Variants in SEC23IP observed in about 807,000 individuals in gnomAD.
The protein encoded by SEC23IP is SEC23 interacting protein, also known as SEC23-interacting protein.
Under a neutral mutation model 113.4 loss-of-function variants are expected in SEC23IP, and 70 were observed. The ratio of observed to expected loss-of-function variants is 0.62; its 90% CI spans 0.51 to 0.75. SEC23IP has a LOEUF of 0.75. SEC23IP is among the 30% of genes least tolerant of loss of function. The pLI is 0.00. For synonymous variants in SEC23IP, 398 were observed against 421.0 expected (o/e 0.95, Z 0.67); for missense variants, 1,160 against 1,204.9 (o/e 0.96, Z 0.55).
chr10:119,894,838 T>G (rs1234201469), intron 1 of SEC23IP, among the ~76,000 whole-genome samples: 1 of 152,172 alleles, frequency 6.6e-6, no homozygotes, highest in Admixed American at 6.5e-5. Flanking sequence ...GTTTTCATTG[T>G]TAAGTCTGGT....
chr10:119,927,523 C>A (rs562885248), intron 13 of SEC23IP, among the ~76,000 whole-genome samples: 24 of 152,282 alleles, frequency 1.6e-4, no homozygotes, highest in African/African-American at 5.8e-4. Context: ...GGCTTCTTTT[C>A]TATGTCATAT....
chr10:119,925,963 G>T, intron 12 of SEC23IP, 73 bp from the exon 13 acceptor site: 1 of 1,209,196 alleles, frequency 8.3e-7, no homozygotes, highest in Non-Finnish European at 1.2e-6. Flanking sequence ...TACTGAGATA[G>T]CATGTTTTGT....
intron 11 of SEC23IP, among the ~76,000 whole-genome samples, chr10:119,920,499 G>GCA (rs920465882): frequency 1.3e-5 from 2 of 152,174 alleles, no homozygotes; most frequent in African/African-American, 4.8e-5. Flanking sequence ...GCATAGTAGA[G>GCA]CACACACACA....
Position 119,943,422 on chromosome 10 carries a change from C to T in SEC23IP, c.*2857C>T, listed in dbSNP as rs1007124386. Reference sequence around the variant, plus strand: ...ATACTCCTCAGGGGGTTAACCCCATCTCTACTAAAAATAAAAAAAATTAGC... The same window carrying T: ...ATACTCCTCAGGGGGTTAACCCCATTTCTACTAAAAATAAAAAAAATTAGC... On this transcript the variant is annotated 3_prime_UTR_variant, in exon 19 of 19. Coordinates refer to ENST00000369075, the MANE Select transcript of SEC23IP (RefSeq NM_007190.4). 3 of 152,146 alleles carry T rather than the reference C, an allele frequency of 2.0e-5. No homozygotes were observed. Among genetic ancestry groups the T allele is most frequent in the African/African-American group, 7.2e-5 (3 of 41,422 alleles). The allele number at this position is 152,146 out of a possible 1,614,324, so 9.4% of individuals were successfully genotyped here.
chr10:119,906,316 C>CA, intron 4 of SEC23IP, among the ~76,000 whole-genome samples: 1 of 144,758 alleles, frequency 6.9e-6, no homozygotes, highest in South Asian at 2.2e-4. Flanking sequence ...CGGAGCTAAA[C>CA]ATTATGTTCA....
Position 119,929,610 on chromosome 10 carries a change from T to G in SEC23IP, c.2317T>G (p.Ser773Ala). ...ATTGTTATTTGATTCTTTCCAGGTT[T>G]CTGTTGCTTACAACTCATTAGATTT... ...ESFEVGAGQV[S>A]VAYNSLDFEP... is the part of the protein sequence containing the mutation. The change falls in exon 14 of 19, where the codon TCT becomes GCT. Residue 773 changes from serine (S) to alanine (A), a missense_variant. Physicochemically the swap from Ser to Ala is moderately conservative, Grantham distance 99. Coordinates refer to ENST00000369075, the MANE Select transcript of SEC23IP (RefSeq NM_007190.4). 1 of 1,605,408 alleles carries G rather than the reference T, an allele frequency of 6.2e-7. No individual in the cohort carries two copies. The highest frequency in any genetic ancestry group is 8.5e-7 in the Non-Finnish European group (1 of 1,174,678).
At chr10:119,906,569 G>A (rs916580405) in intron 4 of SEC23IP, among the ~76,000 whole-genome samples, 1 of 151,914 alleles carries the variant, frequency 6.6e-6, no homozygotes, top group African/African-American at 2.4e-5. Flanking sequence ...ATATGAAGAA[G>A]TGAAAATAAT....
At chr10:119,931,710 G>A (rs1343809464) in intron 15 of SEC23IP, among the ~76,000 whole-genome samples, 3 of 151,660 alleles carry the variant, frequency 2.0e-5, no homozygotes, top group Admixed American at 2.0e-4. Flanking sequence ...CTGCCACCAC[G>A]CCCGGCTAAT....
chr10:119,932,930 G>A, intron 16 of SEC23IP, 75 bp from the exon 17 acceptor site: 1 of 1,334,810 alleles, frequency 7.5e-7, no homozygotes. Flanking sequence ...TTCTCATTGA[G>A]CCCAGAAAGT....
chr10:119,936,980 C>T (rs921087563), intron 18 of SEC23IP, among the ~76,000 whole-genome samples: 6 of 151,926 alleles, frequency 3.9e-5, no homozygotes, highest in South Asian at 2.1e-4. Flanking sequence ...CTCCTCCTCC[C>T]GGGTTCATGC....
chr10:119,913,355 C>G (rs1360691591), intron 6 of SEC23IP, among the ~76,000 whole-genome samples: 1 of 152,188 alleles, frequency 6.6e-6, no homozygotes. Flanking sequence ...GGATTGCAGA[C>G]TTTTTCTGTA....
Position 119,898,872 on chromosome 10 carries a change from G to A in SEC23IP, c.609G>A (p.Gln203=). The A allele has an allele frequency of 6.2e-7, 1 of 1,609,420 alleles. No individual in the cohort carries two copies. The highest frequency in any genetic ancestry group is 8.5e-7 in the Non-Finnish European group (1 of 1,179,974). Residue 203 remains glutamine, a synonymous_variant, in exon 2 of 19, where the codon CAG becomes CAA. Coordinates refer to ENST00000369075, the MANE Select transcript of SEC23IP (RefSeq NM_007190.4). ...NPYIAPPQLQ[Q]CQTPGPPAHP... ...ACATTGCACCACCCCAGCTGCAGCAGTGCCAAACACCAGGCCCTCCTGCTC... is the reference window on the plus strand; with the variant it reads ...ACATTGCACCACCCCAGCTGCAGCAATGCCAAACACCAGGCCCTCCTGCTC...
intron 5 of SEC23IP, among the ~76,000 whole-genome samples, chr10:119,909,794 G>A (rs1423182969): frequency 6.6e-6 from 1 of 152,106 alleles, no homozygotes. Context: ...GGGAGGCTGA[G>A]ATAGAGGATC....
At chr10:119,933,342 T>C (rs897532562) in intron 17 of SEC23IP, among the ~76,000 whole-genome samples, 175 bp downstream of exon 17, 22 of 152,222 alleles carry the variant, frequency 1.4e-4, no homozygotes, top group African/African-American at 5.3e-4. Flanking sequence ...GATGGCAGTA[T>C]GTCATCTGCT....
intron 4 of SEC23IP, among the ~76,000 whole-genome samples, chr10:119,907,134 T>A (rs1854699440): frequency 6.6e-6 from 1 of 151,534 alleles, no homozygotes; most frequent in South Asian, 2.1e-4. Flanking sequence ...CTGTCTCTAC[T>A]AAAAATACAA....
At position 119,933,151 on chromosome 10, in the gene SEC23IP, A is replaced by T; in HGVS notation, c.2905A>T (p.Ser969Cys). 1 of 1,613,980 alleles carries T rather than the reference A, an allele frequency of 6.2e-7. No homozygotes were observed. Among genetic ancestry groups the T allele is most frequent in the Non-Finnish European group, 8.5e-7 (1 of 1,179,888 alleles). Reference sequence around the variant, plus strand: ...TAATGAATACCTTTTCGCTCTTCAGAGTCACTTATGCTATTGGTAAGTGTT... The same window carrying T: ...TAATGAATACCTTTTCGCTCTTCAGTGTCACTTATGCTATTGGTAAGTGTT... ...SFNEYLFALQ[S>C]HLCYWESEDT... Residue 969 changes from serine (S) to cysteine (C), a missense_variant, in exon 17 of 19, where the codon AGT becomes TGT. Coordinates refer to ENST00000369075, the MANE Select transcript of SEC23IP (RefSeq NM_007190.4).
chr10:119,901,721 C>G (rs991573624), intron 2 of SEC23IP, among the ~76,000 whole-genome samples: 4 of 152,130 alleles, frequency 2.6e-5, no homozygotes, highest in Admixed American at 6.5e-5. Context: ...GACAGAGTCT[C>G]TGTCACTCAG....
In SEC23IP at chr10:119,929,599, C is replaced by T. The variant is rs1360465849; in HGVS notation, c.2314-8C>T. On this transcript the variant is annotated splice_region_variant and splice_polypyrimidine_tract_variant and intron_variant, in intron 13 of 18. Transcript: ENST00000369075. ...AATCATCTTTCATTGTTATTTGATT[C>T]TTTCCAGGTTTCTGTTGCTTACAAC... is the stretch of plus-strand genomic sequence containing the variant. The T allele has an allele frequency of 1.9e-6, 3 of 1,601,346 alleles. No individual in the cohort carries two copies. Among genetic ancestry groups the T allele is most frequent in the Admixed American group, 1.7e-5 (1 of 58,322 alleles).
At position 119,913,464 on chromosome 10, in the gene SEC23IP, T is replaced by C. The variant is rs533855879; in HGVS notation, c.1313-1266T>C. On this transcript the variant is annotated intron_variant, in intron 6 of 18. Coordinates refer to ENST00000369075, the MANE Select transcript of SEC23IP (RefSeq NM_007190.4). ...TGTGAAATCAGCTGAAGACTGTATG[T>C]AAACAAATGAGCATATCCGTTTTCC... 3.3e-5 allele frequency among the ~76,000 whole-genome samples: 5 copies of C among 152,166 alleles called. No individual in the cohort carries two copies. The East Asian group carries it at 5.8e-4, about 18-fold the overall frequency.
Sources: allele counts gnomAD v4.1 joint callset (sites outside exome capture counted in the v4.1 genomes callset), GRCh38; gene constraint gnomAD v4.1.1; transcripts MANE v1.5; gene names NCBI Gene and HGNC (gene_info 2026-07-23, HGNC 2026-07-21).